SLC44A5: variants seen among roughly 807,000 people sequenced by gnomAD.
SLC44A5 encodes the protein solute carrier family 44 member 5, also known as choline transporter-like protein 5.
A neutral mutation model predicts 101.8 loss-of-function variants in SLC44A5; 57 were observed. The observed-to-expected ratio is 0.56, with a 90% CI of 0.45 to 0.70. SLC44A5 has a LOEUF of 0.70. Ranked by LOEUF, SLC44A5 falls within the 30% of genes least tolerant of loss-of-function variation. SLC44A5 has a pLI of 0.00. For missense variants in SLC44A5, 737 were observed against 853.1 expected, an observed-to-expected ratio of 0.86 and a Z score of 1.70; for synonymous variants, 281 against 290.9, an observed-to-expected ratio of 0.97 and a Z score of 0.35.
intron 2 of SLC44A5, among the ~76,000 whole-genome samples, chr1:75,468,488 T>C (rs890564342): frequency 2.0e-5 from 3 of 152,106 alleles, no homozygotes; most frequent in African/African-American, 4.8e-5. Context: ...TATTCAGCCA[T>C]AGAAAAGAAC....
intron 2 of SLC44A5, among the ~76,000 whole-genome samples, chr1:75,509,090 G>A (rs1669426373): frequency 1.3e-5 from 2 of 152,232 alleles, no homozygotes; most frequent in African/African-American, 4.8e-5. Context: ...TGGGCCTTCA[G>A]AAGCAGTTGA....
rs138131245 is a variant in SLC44A5, at chr1:75,438,345, A to T, written c.14-41724T>A. 2.6e-4 allele frequency among the ~76,000 whole-genome samples: 40 copies of T among 152,248 alleles called. No individual in the cohort carries two copies. In the East Asian group the frequency reaches 7.5e-3, roughly 29 times the overall value. On this transcript the variant is annotated intron_variant, in intron 2 of 23. Transcript: ENST00000370859. ...CAGAAATGGCAAACTAGAGTTTCTG[A>T]AAGAGACCCTTCTGCAATAAACCAA...
At chr1:75,476,228 CA>C (rs1483469696) in intron 2 of SLC44A5, among the ~76,000 whole-genome samples, 1 of 151,848 alleles carries the variant, frequency 6.6e-6, no homozygotes, top group East Asian at 1.9e-4. Flanking sequence ...TCAAGATTAA[CA>C]AGGTAGAGCA....
intron 6 of SLC44A5, among the ~76,000 whole-genome samples, chr1:75,268,645 T>C (rs574199127): frequency 4.5e-4 from 69 of 152,236 alleles, no homozygotes; most frequent in South Asian, 1.2e-3. Context: ...CCGTTCAGAC[T>C]TTTTTCTTGC....
intron 2 of SLC44A5, among the ~76,000 whole-genome samples, chr1:75,503,237 G>T (rs1187186921): frequency 6.6e-6 from 1 of 151,894 alleles, no homozygotes; most frequent in African/African-American, 2.4e-5. Flanking sequence ...TTATAGTTGT[G>T]GAGTCACTAT....
chr1:75,629,056 A>G, the SLC44A5 span, among the ~76,000 whole-genome samples: 44 of 152,182 alleles, frequency 2.9e-4, 1 homozygote, highest in Admixed American at 2.6e-3. Context: ...CCCATAGTTA[A>G]TTATCTCCAA....
intron 7 of SLC44A5, among the ~76,000 whole-genome samples, chr1:75,247,646 A>C (rs1046582738): frequency 3.3e-5 from 5 of 152,118 alleles, no homozygotes; most frequent in Middle Eastern, 3.2e-3. Context: ...TCATCAAAGG[A>C]GACTGATAGG....
At chr1:75,220,017 CA>C (rs1647045393) in intron 14 of SLC44A5, 125 bp from the exon 15 acceptor site, 1 of 535,770 alleles carries the variant, frequency 1.9e-6, no homozygotes, top group Admixed American at 4.0e-5. Flanking sequence ...GGCATATTCT[CA>C]GTTGGTTTTA....
At chr1:75,417,629 C>G (rs181848726) in intron 2 of SLC44A5, among the ~76,000 whole-genome samples, 65 of 152,304 alleles carry the variant, frequency 4.3e-4, no homozygotes, top group African/African-American at 1.4e-3. Context: ...GGTGAGATCT[C>G]CAGATGAAAG....
chr1:75,500,561 T>C (rs1668906216), intron 2 of SLC44A5, among the ~76,000 whole-genome samples: 1 of 152,190 alleles, frequency 6.6e-6, no homozygotes, highest in African/African-American at 2.4e-5. Flanking sequence ...GTCAATTATA[T>C]ACAAGATATT....
At chr1:75,332,767 C>T (rs1378904151) in intron 4 of SLC44A5, among the ~76,000 whole-genome samples, 1 of 152,190 alleles carries the variant, frequency 6.6e-6, no homozygotes, top group Non-Finnish European at 1.5e-5. Context: ...TGTGATTCAA[C>T]TCTTGATGCC....
chr1:75,640,088 A>C, the SLC44A5 span, among the ~76,000 whole-genome samples: 1 of 152,128 alleles, frequency 6.6e-6, no homozygotes, highest in Non-Finnish European at 1.5e-5. Flanking sequence ...ACTGTGTGGC[A>C]AACCACCCCA....
chr1:75,212,482 C>A (rs1185113580), intron 22 of SLC44A5, among the ~76,000 whole-genome samples: 2 of 152,102 alleles, frequency 1.3e-5, no homozygotes, highest in Non-Finnish European at 2.9e-5. Context: ...CTTAGGATAA[C>A]AGCCTCCAGC....
chr1:75,473,720 T>C (rs980601318), intron 2 of SLC44A5, among the ~76,000 whole-genome samples: 1 of 152,232 alleles, frequency 6.6e-6, no homozygotes, highest in Admixed American at 6.5e-5. Flanking sequence ...AAGTGCTTTT[T>C]CTTGACTCTA....
At chr1:75,613,708 A>G (rs1418042980), upstream of SLC44A5, among the ~76,000 whole-genome samples, 2 of 152,274 alleles carry the variant, frequency 1.3e-5, no homozygotes, top group Non-Finnish European at 2.9e-5. Context: ...AGAAAGCTTG[A>G]TTATTAATCC....
At chr1:75,552,381 G>A in intron 1 of SLC44A5, among the ~76,000 whole-genome samples, 1 of 152,098 alleles carries the variant, frequency 6.6e-6, no homozygotes, top group East Asian at 1.9e-4. Context: ...TCATAAATAA[G>A]CCCCATTTTT....
intron 6 of SLC44A5, among the ~76,000 whole-genome samples, chr1:75,274,578 C>T (rs980068092): frequency 6.6e-6 from 1 of 152,106 alleles, no homozygotes; most frequent in African/African-American, 2.4e-5. Context: ...GACACTGTGA[C>T]AAAAATAATC....
At chr1:75,495,173 A>G (rs146953022) in intron 2 of SLC44A5, among the ~76,000 whole-genome samples, 1 of 152,270 alleles carries the variant, frequency 6.6e-6, no homozygotes, top group Non-Finnish European at 1.5e-5. Flanking sequence ...TAACCATCAT[A>G]GGCCAGGCGC....
chr1:75,315,496 G>A (rs536739302), intron 4 of SLC44A5, among the ~76,000 whole-genome samples: 105 of 152,112 alleles, frequency 6.9e-4, no homozygotes, highest in African/African-American at 2.4e-3. Context: ...TAATCATCCC[G>A]TCTGGTCTTC....
Sources: allele counts gnomAD v4.1 joint callset (sites outside exome capture counted in the v4.1 genomes callset), GRCh38; gene constraint gnomAD v4.1.1; transcripts MANE v1.5; gene names NCBI Gene and HGNC (gene_info 2026-07-23, HGNC 2026-07-21).